The following DPF3 variants were observed in gnomAD, a reference collection of about 807,000 sequenced individuals.
DPF3 encodes zinc finger protein DPF3.
In DPF3, 18 loss-of-function variants were observed where a neutral mutation model predicts 56.8. The ratio of observed to expected loss-of-function variants is 0.32; its 90% CI spans 0.22 to 0.47. The LOEUF is 0.47. Ranked by LOEUF, DPF3 falls within the 20% of genes least tolerant of loss-of-function variation. The probability of loss-of-function intolerance (pLI) is 1.00; values close to 1 mark genes in which losing one functional copy is unlikely to be tolerated. For synonymous variants in DPF3, 188 were observed against 180.2 expected (o/e 1.04, Z -0.35); for missense variants, 403 against 488.8 (o/e 0.82, Z 1.65).
At chr14:72,739,135 G>C (rs534150326) in intron 3 of DPF3, among the ~76,000 whole-genome samples, 1 of 151,840 alleles carries the variant, frequency 6.6e-6, no homozygotes, top group African/African-American at 2.4e-5. Flanking sequence ...CCAGTGACTC[G>C]AGAGGCTGAG....
At chr14:72,839,292 A>C (rs1884451918) in intron 1 of DPF3, among the ~76,000 whole-genome samples, 1 of 152,036 alleles carries the variant, frequency 6.6e-6, no homozygotes. Flanking sequence ...ACCAAGCCTA[A>C]AAGAGGGACT....
intron 1 of DPF3, among the ~76,000 whole-genome samples, chr14:72,891,593 A>G (rs1327625277): frequency 6.6e-6 from 1 of 152,176 alleles, no homozygotes; most frequent in Non-Finnish European, 1.5e-5. Context: ...AAGATGTTTT[A>G]TTAAACAAGT....
chr14:72,840,236 T>C (rs1055229040), intron 1 of DPF3, among the ~76,000 whole-genome samples: 3 of 152,152 alleles, frequency 2.0e-5, no homozygotes, highest in African/African-American at 7.2e-5. Context: ...GGAACCAAGC[T>C]CTCGCCAAGG....
At chr14:72,872,331 C>T (rs1467290873) in intron 1 of DPF3, among the ~76,000 whole-genome samples, 7 of 152,244 alleles carry the variant, frequency 4.6e-5, no homozygotes, top group Non-Finnish European at 7.3e-5. Context: ...TGAGGATTAA[C>T]ATTAGGATAC....
At chr14:72,809,304 G>A (rs8009089) in intron 1 of DPF3, among the ~76,000 whole-genome samples, 135,831 of 152,336 alleles carry the variant, frequency 0.89, 60,902 homozygotes, top group East Asian at 0.98. Context: ...CCACATCATC[G>A]TCACACAGGG....
chr14:72,732,687 T>G (rs2139858969), intron 3 of DPF3, among the ~76,000 whole-genome samples: 1 of 152,214 alleles, frequency 6.6e-6, no homozygotes, highest in Middle Eastern at 3.4e-3. Flanking sequence ...GCCCTGGGGT[T>G]GCCAGCAGAG....
intron 1 of DPF3, among the ~76,000 whole-genome samples, chr14:72,819,960 G>A (rs749224544): frequency 6.6e-6 from 1 of 152,112 alleles, no homozygotes; most frequent in Non-Finnish European, 1.5e-5. Context: ...AAGGTAGATA[G>A]TGTATGATTG....
intron 7 of DPF3, among the ~76,000 whole-genome samples, chr14:72,684,390 A>C (rs995487342): frequency 1.3e-5 from 2 of 152,160 alleles, no homozygotes; most frequent in Non-Finnish European, 2.9e-5. Flanking sequence ...ACCCAGGCAG[A>C]AGCCAGGGGT....
chr14:72,744,363 C>T (rs1599402735), intron 3 of DPF3, among the ~76,000 whole-genome samples: 1 of 152,086 alleles, frequency 6.6e-6, no homozygotes, highest in African/African-American at 2.4e-5. Flanking sequence ...GCCACAACCT[C>T]GCGGACTTCA....
intron 1 of DPF3, among the ~76,000 whole-genome samples, chr14:72,838,771 C>G (rs1021960272): frequency 6.8e-6 from 1 of 147,414 alleles, no homozygotes; most frequent in Non-Finnish European, 1.5e-5. Flanking sequence ...AAAAAAAAGG[C>G]AATTACTGTT....
chr14:72,796,975 G>A (rs965727834), intron 1 of DPF3, among the ~76,000 whole-genome samples: 1 of 152,178 alleles, frequency 6.6e-6, no homozygotes, highest in Non-Finnish European at 1.5e-5. Flanking sequence ...AAGACAGGAC[G>A]AAGCATCGCA....
Position 72,609,390 on chromosome 14 carries a change from G to A in DPF3, c.*9907C>T, listed in dbSNP as rs192502970. On this transcript the variant is annotated 3_prime_UTR_variant, in exon 11 of 11. Transcript: ENST00000556509. Reference sequence around the variant, plus strand: ...GTCCCGGGTCAGGAGTCCACATCAGGTGTGGGCTGCTTCCAATCTGTAGGT... The same window carrying A: ...GTCCCGGGTCAGGAGTCCACATCAGATGTGGGCTGCTTCCAATCTGTAGGT... Among the ~76,000 whole-genome samples the A allele has an allele frequency of 4.4e-4, 67 of 152,298 alleles. No homozygotes were observed. The highest frequency in any genetic ancestry group is 1.5e-3 in the African/African-American group (61 of 41,550).
intron 8 of DPF3, 122 bp from the exon 9 acceptor site, chr14:72,629,858 A>G (rs1885065781): frequency 5.1e-6 from 4 of 787,894 alleles, no homozygotes; most frequent in Non-Finnish European, 8.2e-6. Flanking sequence ...TGACGTAGGG[A>G]AAAAAATGGG....
Position 72,783,149 on chromosome 14 carries a change from T to A in DPF3, c.33-11256A>T, listed in dbSNP as rs140465687. Among the ~76,000 whole-genome samples the A allele has an allele frequency of 2.2e-3, 329 of 152,320 alleles. 2 individuals are homozygous for A. The highest frequency in any genetic ancestry group is 7.3e-3 in the African/African-American group (305 of 41,562). ...TGTAGCTGACTGCTCCTCTGAGATG[T>A]CTTCTTAGGTTCACCCTATCTGGAA... On this transcript the variant is annotated intron_variant, in intron 1 of 10. Transcript: ENST00000556509.
intron 1 of DPF3, among the ~76,000 whole-genome samples, chr14:72,807,665 T>C (rs973963): frequency 0.97 from 148,396 of 152,322 alleles, 72,324 homozygotes; most frequent in East Asian, 1. Context: ...AACTCTCCAG[T>C]GAACTAATCC....
intron 1 of DPF3, among the ~76,000 whole-genome samples, chr14:72,845,738 C>G (rs2140074894): frequency 6.6e-6 from 1 of 152,312 alleles, no homozygotes; most frequent in Middle Eastern, 3.4e-3. Flanking sequence ...ACATCTGTTT[C>G]TTTTTCTGTT....
intron 2 of DPF3, among the ~76,000 whole-genome samples, chr14:72,768,806 G>A (rs554543478): frequency 6.6e-5 from 10 of 152,162 alleles, no homozygotes; most frequent in Admixed American, 5.2e-4. Context: ...TAATTTGGCT[G>A]CACATGTTTA....
chr14:72,745,666 G>T (rs1048057321), intron 3 of DPF3, among the ~76,000 whole-genome samples: 1 of 151,934 alleles, frequency 6.6e-6, no homozygotes, highest in Non-Finnish European at 1.5e-5. Context: ...TCCCTCACCT[G>T]CTCCCCTCTC....
At position 72,736,997 on chromosome 14, in the gene DPF3, C is replaced by T. The variant is rs185114687; in HGVS notation, c.302-5063G>A. On this transcript the variant is annotated intron_variant, in intron 3 of 10. Transcript: ENST00000556509. ...AGCCGCCTCCCTGGGCCCCCGTAAGCAGCTCTGCCTCTACTTCTAATTGGG... is the reference window on the plus strand; with the variant it reads ...AGCCGCCTCCCTGGGCCCCCGTAAGTAGCTCTGCCTCTACTTCTAATTGGG... Among the ~76,000 whole-genome samples the T allele has an allele frequency of 2.0e-3, 305 of 152,064 alleles. 2 individuals carry two copies. The highest frequency in any genetic ancestry group is 3.1e-3 in the Non-Finnish European group (213 of 67,994).
Sources: gnomAD v4.1 joint callset for allele counts (sites outside exome capture counted in the v4.1 genomes callset) on GRCh38, gnomAD v4.1.1 for gene constraint, MANE v1.5 for transcripts, NCBI Gene and HGNC (gene_info 2026-07-23, HGNC 2026-07-21) for gene names.